The following SLC24A2 variants were observed in gnomAD, a reference collection of about 807,000 sequenced individuals.
SLC24A2 encodes the protein solute carrier family 24 member 2.
A neutral mutation model predicts 62.0 loss-of-function variants in SLC24A2; 36 were observed. The observed-to-expected ratio is 0.58, with a 90% CI of 0.44 to 0.77. SLC24A2 has a LOEUF of 0.77. Among genes scored for constraint, SLC24A2 ranks in the 30% least tolerant of loss-of-function variants. The pLI is 0.00. For missense variants in SLC24A2, 846 were observed against 817.9 expected (o/e 1.03, Z -0.42); for synonymous variants, 358 against 294.0 (o/e 1.22, Z -2.23).
At chr9:20,173,109 A>G in the SLC24A2 span, among the ~76,000 whole-genome samples, 5 of 152,120 alleles carry the variant, frequency 3.3e-5, no homozygotes, top group African/African-American at 4.8e-5. Context: ...AGATGCAGAA[A>G]AAACATTTGA....
chr9:19,816,821 T>G, the SLC24A2 span, among the ~76,000 whole-genome samples: 1 of 151,782 alleles, frequency 6.6e-6, no homozygotes, highest in Non-Finnish European at 1.5e-5. Flanking sequence ...CACTAAACCA[T>G]TCATGAGAAA....
At chr9:19,548,674 G>A (rs563848946) in intron 8 of SLC24A2, among the ~76,000 whole-genome samples, 2 of 152,264 alleles carry the variant, frequency 1.3e-5, no homozygotes, top group African/African-American at 4.8e-5. Flanking sequence ...TGGTTATGAC[G>A]ACTGCCCTGG....
the SLC24A2 span, among the ~76,000 whole-genome samples, chr9:19,820,028 C>CAT: frequency 2.0e-4 from 11 of 54,582 alleles, no homozygotes; most frequent in East Asian, 8.4e-4. Flanking sequence ...TATATATACA[C>CAT]ATATATATAT....
the SLC24A2 span, among the ~76,000 whole-genome samples, chr9:20,285,482 G>A: frequency 1.3e-5 from 2 of 152,096 alleles, no homozygotes; most frequent in Non-Finnish European, 2.9e-5. Flanking sequence ...AAAAGCTGAT[G>A]TTTCAATTCC....
chr9:19,823,355 T>C, the SLC24A2 span, among the ~76,000 whole-genome samples: 1 of 151,976 alleles, frequency 6.6e-6, no homozygotes, highest in African/African-American at 2.4e-5. Flanking sequence ...TTTTGAACCC[T>C]TTAAGAAAAA....
At chr9:19,686,300 C>A (rs1278615008) in intron 2 of SLC24A2, among the ~76,000 whole-genome samples, 1 of 152,102 alleles carries the variant, frequency 6.6e-6, no homozygotes, top group Non-Finnish European at 1.5e-5. Context: ...TGCTTAGACA[C>A]TGTTGGTGGA....
chr9:20,146,242 A>T, the SLC24A2 span, among the ~76,000 whole-genome samples: 1,147 of 152,242 alleles, frequency 7.5e-3, 13 homozygotes, highest in African/African-American at 0.026. Flanking sequence ...AGGGATCATC[A>T]GCATCAGAAG....
chr9:20,275,896 C>A, the SLC24A2 span, among the ~76,000 whole-genome samples: 1 of 152,102 alleles, frequency 6.6e-6, no homozygotes, highest in African/African-American at 2.4e-5. Flanking sequence ...TCTCAGGTCT[C>A]GCGAGACTTA....
chr9:19,921,511 C>T, the SLC24A2 span, among the ~76,000 whole-genome samples: 1 of 104,814 alleles, frequency 9.5e-6, no homozygotes, highest in Non-Finnish European at 1.9e-5. Context: ...CAGAGCGAGA[C>T]TCCGTGTAAA....
At chr9:20,116,824 T>A in the SLC24A2 span, among the ~76,000 whole-genome samples, 1 of 152,148 alleles carries the variant, frequency 6.6e-6, no homozygotes, top group East Asian at 1.9e-4. Context: ...CTGCGCTTAA[T>A]GAAAGTTGAA....
At chr9:19,718,883 G>A (rs933449509) in intron 2 of SLC24A2, among the ~76,000 whole-genome samples, 1 of 152,164 alleles carries the variant, frequency 6.6e-6, no homozygotes. Context: ...ATTTATGCTG[G>A]TTTCTTGCCG....
rs148123923 is a variant in SLC24A2, at chr9:19,673,444, C to T, written c.931-51145G>A. ...GTTCTTGTGTGTGTATGTGTGTGTG[C>T]GTGTGTGTGTGTGTGTGTGTTTGAG... On this transcript the variant is annotated intron_variant, in intron 2 of 10. Transcript: ENST00000341998. Among the ~76,000 whole-genome samples, 35 of 129,876 alleles carry T rather than the reference C, an allele frequency of 2.7e-4. 5 individuals are homozygous for T. The highest frequency in any genetic ancestry group is 5.0e-4 in the African/African-American group (14 of 28,254). 85.2% of individuals were successfully genotyped at this position (129,876 alleles called of 152,430 possible). A position where few individuals can be genotyped will look rare whatever the true frequency, so the allele number is the denominator to read the frequency against.
chr9:19,965,955 T>C, the SLC24A2 span, among the ~76,000 whole-genome samples: 1 of 152,210 alleles, frequency 6.6e-6, no homozygotes, highest in Non-Finnish European at 1.5e-5. Flanking sequence ...ATGAAATTTT[T>C]AGCTTGTGGT....
chr9:19,701,573 G>C (rs1419730381), intron 2 of SLC24A2, among the ~76,000 whole-genome samples: 1 of 152,190 alleles, frequency 6.6e-6, no homozygotes, highest in East Asian at 1.9e-4. Flanking sequence ...AGTTCTGGAG[G>C]CCGTAAGTTT....
chr9:19,946,880 A>C, the SLC24A2 span, among the ~76,000 whole-genome samples: 1 of 152,216 alleles, frequency 6.6e-6, no homozygotes, highest in Non-Finnish European at 1.5e-5. Flanking sequence ...CATTGTTGTT[A>C]CTGCTATGTT....
At chr9:20,117,386 A>AT in the SLC24A2 span, among the ~76,000 whole-genome samples, 1 of 151,994 alleles carries the variant, frequency 6.6e-6, no homozygotes, top group South Asian at 2.1e-4. Flanking sequence ...TAATTCTGTC[A>AT]TTTTTTTCAT....
At chr9:19,806,815 A>T in the SLC24A2 span, among the ~76,000 whole-genome samples, 1 of 152,146 alleles carries the variant, frequency 6.6e-6, no homozygotes, top group Admixed American at 6.5e-5. Context: ...CTCACAACTT[A>T]AAGTGTTTTG....
the SLC24A2 span, among the ~76,000 whole-genome samples, chr9:20,163,818 A>G: frequency 6.6e-6 from 1 of 152,218 alleles, no homozygotes; most frequent in African/African-American, 2.4e-5. Flanking sequence ...AGCCCTCAGA[A>G]GTAACGCCGC....
the SLC24A2 span, among the ~76,000 whole-genome samples, chr9:19,935,037 ATTT>A: frequency 4.6e-5 from 7 of 151,256 alleles, no homozygotes; most frequent in African/African-American, 1.7e-4. Context: ...TTTTTATTTT[ATTT>A]ATTTATTTTA....
Sources: allele counts gnomAD v4.1 joint callset (sites outside exome capture counted in the v4.1 genomes callset), GRCh38; gene constraint gnomAD v4.1.1; transcripts MANE v1.5; gene names NCBI Gene and HGNC (gene_info 2026-07-23, HGNC 2026-07-21).